Variants in OSMR observed in about 807,000 individuals in gnomAD.
OSMR encodes oncostatin M receptor.
Under a neutral mutation model 99.9 loss-of-function variants are expected in OSMR, and 81 were observed. The ratio of observed to expected loss-of-function variants is 0.81; its 90% CI spans 0.68 to 0.97. The LOEUF is 0.97. Among genes scored for constraint, OSMR ranks in the 50% least tolerant of loss-of-function variants. The probability of loss-of-function intolerance (pLI) is 0.00; values close to 1 mark genes in which losing one functional copy is unlikely to be tolerated. For synonymous variants in OSMR, 406 were observed against 410.4 expected (o/e 0.99, Z 0.13); for missense variants, 1,099 against 1,153.4 (o/e 0.95, Z 0.68).
chr5:38,940,237 G>A (rs1251215103), downstream of OSMR: 4 of 232,012 alleles, frequency 1.7e-5, no homozygotes, highest in Admixed American at 5.7e-5. Flanking sequence ...GTGATGGTGG[G>A]GGAGGGGGTG....
chr5:38,942,817 T>C (rs758661436), intron 1 of OSMR: 4 of 1,553,986 alleles, frequency 2.6e-6, no homozygotes, highest in Non-Finnish European at 2.7e-6. Context: ...ATTTGAGAAG[T>C]ACTAATCATA....
At chr5:38,937,923 A>G (rs1444992430), downstream of OSMR, 3 of 180,368 alleles carry the variant, frequency 1.7e-5, no homozygotes, top group African/African-American at 7.1e-5. The surrounding 1 kb of genome is among the most constrained non-coding windows in gnomAD (Gnocchi z 4.0). Flanking sequence ...GACAAAGTTT[A>G]AGAATTTTAA....
chr5:38,875,135 C>A (rs1463060892), intron 2 of OSMR, among the ~76,000 whole-genome samples: 1 of 152,198 alleles, frequency 6.6e-6, no homozygotes, highest in Non-Finnish European at 1.5e-5. Context: ...AAGATGATAT[C>A]TCTTACGCCA....
rs543330755 is a variant in OSMR at position 38,883,671 on chromosome 5, A to T, written c.419-156A>T. The stretch of plus-strand genomic sequence containing the variant: ...TGGTGGAAAGGATTGTCTTGCATGC[A>T]CCAGAGGGTAGAGGTTTGGCAGAGA... On this transcript the variant is annotated intron_variant, in intron 4 of 17. Transcript: ENST00000274276. The T allele has an allele frequency of 1.0e-5, 10 of 984,878 alleles. No homozygotes were observed. The South Asian group carries it at 3.8e-4, about 37-fold the overall frequency. 61.0% of individuals were successfully genotyped at this position (984,878 alleles called of 1,614,324 possible).
chr5:38,935,307 T>TGTCA lies in OSMR; in HGVS notation c.*1864_*1867dup, dbSNP rs953188470. 4.6e-5 allele frequency: 4 copies of TGTCA among 86,350 alleles called. No homozygotes were observed. Among genetic ancestry groups the TGTCA allele is most frequent in the Admixed American group, 2.0e-4 (2 of 9,998 alleles). The allele number at this position is 86,350 out of a possible 1,614,324, so 5.3% of individuals were successfully genotyped here. ...TAGCCACACCTCAAAATAATGTGGC[T>TGTCA]GTCAACAACTGGCCTAAATAAACCT... On this transcript the variant is annotated 3_prime_UTR_variant, in exon 18 of 18. Transcript: ENST00000274276.
In OSMR at chr5:38,924,540, TCTG is replaced by T; in HGVS notation, c.1990_1992del (p.Leu664del). 2 of 1,614,178 alleles carry T rather than the reference TCTG, an allele frequency of 1.2e-6. No homozygotes were observed. Among genetic ancestry groups the T allele is most frequent in the Non-Finnish European group, 1.7e-6 (2 of 1,179,988 alleles). On this transcript the variant is annotated inframe_deletion, in exon 14 of 18. Transcript: ENST00000274276. ...GTTTTATACAAGGGTACCATGTCTA[TCTG>T]AAATCCAAGGCGAGGCAGTGCCACC...
chr5:38,937,885 ATTATT>A (rs763089988), downstream of OSMR: 2 of 176,252 alleles, frequency 1.1e-5, no homozygotes, highest in African/African-American at 2.4e-5. This position sits in a 1 kb window ranked among gnomAD's most constrained non-coding sequence, Gnocchi z 4.0. Flanking sequence ...ATGACCACTG[ATTATT>A]TTAAGATTTC....
chr5:38,881,854 AACCCTGGGT>A (rs1743315572), intron 4 of OSMR, 90 bp downstream of exon 4: 3 of 1,145,126 alleles, frequency 2.6e-6, no homozygotes, highest in Non-Finnish European at 3.9e-6. Context: ...TCCTTTGAGG[AACCCTGGGT>A]AGACACTGAC....
chr5:38,944,899 A>G, intron 2 of OSMR: 3 of 1,611,156 alleles, frequency 1.9e-6, no homozygotes, highest in Non-Finnish European at 2.5e-6. Context: ...TTGGATTTGA[A>G]TCTGAAGACT....
chr5:38,847,517 T>G (rs1366331610), intron 1 of OSMR, among the ~76,000 whole-genome samples: 1 of 152,078 alleles, frequency 6.6e-6, no homozygotes, highest in African/African-American at 2.4e-5. Context: ...GGGTGTTTCA[T>G]TATGGTCTTG....
At chr5:38,930,527 T>C (rs1174034445) in intron 15 of OSMR, among the ~76,000 whole-genome samples, 1 of 152,176 alleles carries the variant, frequency 6.6e-6, no homozygotes, top group Admixed American at 6.5e-5. Context: ...CAGAATCATA[T>C]GTAGATGTGA....
chr5:38,904,569 G>A, intron 9 of OSMR, 66 bp downstream of exon 9: 4 of 1,605,894 alleles, frequency 2.5e-6, no homozygotes, highest in Non-Finnish European at 3.4e-6. Context: ...GTTTCCTTAA[G>A]AGATTTTGGT....
Position 38,933,772 on chromosome 5 carries a change from CAGGGTGG to C in OSMR, c.*329_*335del. The C allele has an allele frequency of 3.3e-6, 1 of 300,920 alleles. No homozygotes were observed. 18.6% of individuals were successfully genotyped at this position (300,920 alleles called of 1,614,324 possible). A position where few individuals can be genotyped will look rare whatever the true frequency, so the allele number is the denominator to read the frequency against. On this transcript the variant is annotated 3_prime_UTR_variant, in exon 18 of 18. Transcript: ENST00000274276. Reference sequence around the variant, plus strand: ...CTACAGACTCCCACTCAGTACTGTACAGGGTGGCTGTGGTCCTAGAAGTTCAGTTTTT... The same window carrying C: ...CTACAGACTCCCACTCAGTACTGTACCTGTGGTCCTAGAAGTTCAGTTTTT...
At position 38,846,086 on chromosome 5, in the gene OSMR, C is replaced by T. The variant is rs1001794380; in HGVS notation, c.-315C>T. ...GCCCGCACCCGCGCCCCACGCGCCG[C>T]CGAGGACTCGGCCCGGCTCGTGGAG... On this transcript the variant is annotated 5_prime_UTR_variant, in exon 1 of 18. Coordinates refer to ENST00000274276, the MANE Select transcript of OSMR (RefSeq NM_003999.3). The T allele has an allele frequency of 1.3e-5, 2 of 152,428 alleles. No homozygotes were observed. The highest frequency in any genetic ancestry group is 4.8e-5 in the African/African-American group (2 of 41,430). 9.4% of individuals were successfully genotyped at this position (152,428 alleles called of 1,614,324 possible). A position where few individuals can be genotyped will look rare whatever the true frequency, so the allele number is the denominator to read the frequency against.
chr5:38,884,804 C>T (rs10059078), intron 5 of OSMR, among the ~76,000 whole-genome samples: 15,057 of 152,140 alleles, frequency 0.099, 852 homozygotes, highest in African/African-American at 0.15. Context: ...TTCCCTTGCA[C>T]AGTAGGGAAC....
At chr5:38,944,552 C>A in intron 2 of OSMR, 1 of 1,601,884 alleles carries the variant, frequency 6.2e-7, no homozygotes. Flanking sequence ...GGTGTATCAT[C>A]TGGAATTGTT....
At chr5:38,869,758 A>G (rs1017552469) in intron 2 of OSMR, among the ~76,000 whole-genome samples, 6 of 152,226 alleles carry the variant, frequency 3.9e-5, no homozygotes, top group East Asian at 1.9e-4. Context: ...ATTTATTGAT[A>G]CTATATTACT....
chr5:38,933,019 T>A lies in OSMR; in HGVS notation c.2515T>A (p.Tyr839Asn), dbSNP rs1392859866. The A allele has an allele frequency of 2.8e-5, 46 of 1,614,040 alleles. No homozygotes were observed. Among genetic ancestry groups the A allele is most frequent in the Non-Finnish European group, 3.8e-5 (45 of 1,180,018 alleles). ...ETELTKPNYL[Y>N]LLPTEKNHSG... Reference sequence around the variant, plus strand: ...CGAGTTGACTAAGCCTAACTACCTTTATCTCCTTCCAACAGAAAAGAATCA... The same window carrying A: ...CGAGTTGACTAAGCCTAACTACCTTAATCTCCTTCCAACAGAAAAGAATCA... The change falls in exon 18 of 18, where the codon TAT becomes AAT. Residue 839 changes from tyrosine to asparagine, a missense_variant. Physicochemically the swap from Tyr to Asn is moderately radical, Grantham distance 143. Transcript: ENST00000274276.
Position 38,925,203 on chromosome 5 carries a change from G to C in OSMR, c.2045-1G>C. On this transcript the variant is annotated splice_acceptor_variant, in intron 14 of 17. Transcript: ENST00000274276. LOFTEE classifies it high-confidence loss of function. ...AAAAAAAACCATTTAAAAAATCACA[G>C]ATGGTTCAGAATGTTGCAAATACAA... 6.2e-7 allele frequency: 1 copy of C among 1,613,118 alleles called. No individual in the cohort carries two copies. The highest frequency in any genetic ancestry group is 8.5e-7 in the Non-Finnish European group (1 of 1,179,650).
Sources: gnomAD v4.1 joint callset for allele counts (sites outside exome capture counted in the v4.1 genomes callset) on GRCh38, gnomAD v4.1.1 for gene constraint, Gnocchi (gnomAD v3.1) non-coding constraint, MANE v1.5 for transcripts, NCBI Gene and HGNC (gene_info 2026-07-23, HGNC 2026-07-21) for gene names.